Variants in DLG2 observed in about 807,000 individuals in gnomAD.
DLG2 encodes disks large homolog 2.
In DLG2, 45 loss-of-function variants were observed where a neutral mutation model predicts 132.5. The ratio of observed to expected loss-of-function variants is 0.34; its 90% confidence interval spans 0.27 to 0.44. The LOEUF (loss-of-function observed/expected upper bound fraction) is 0.44, where lower values mean the gene tolerates loss of function less well. Among genes scored for constraint, DLG2 ranks in the 20% least tolerant of loss-of-function variants. DLG2 has a pLI of 1.00. For missense variants in DLG2, 1,045 were observed against 1,196.9 expected (o/e 0.87, Z 1.87); for synonymous variants, 424 against 419.6 (o/e 1.01, Z -0.13).
intron 20 of DLG2, among the ~76,000 whole-genome samples, chr11:83,536,565 GT>G (rs71066048): frequency 0.41 from 57,788 of 142,150 alleles, 11,285 homozygotes; most frequent in East Asian, 0.47. Context: ...ATAACGTGGT[GT>G]TTTTTTTTTT....
intron 3 of DLG2, among the ~76,000 whole-genome samples, chr11:85,523,618 C>T (rs1352685195): frequency 6.6e-6 from 1 of 152,158 alleles, no homozygotes; most frequent in Non-Finnish European, 1.5e-5. Flanking sequence ...GGAACCATTA[C>T]ACACTGCCAG....
intron 6 of DLG2, among the ~76,000 whole-genome samples, chr11:84,959,700 A>C (rs112965550): frequency 2.6e-5 from 4 of 152,338 alleles, no homozygotes; most frequent in African/African-American, 9.6e-5. Context: ...GAAGATTATA[A>C]TATTAATCAC....
chr11:85,109,904 A>G (rs1228385388), intron 6 of DLG2, among the ~76,000 whole-genome samples: 1 of 152,130 alleles, frequency 6.6e-6, no homozygotes, highest in African/African-American at 2.4e-5. Context: ...AGGGTAAAAT[A>G]CCATTATTAA....
At chr11:84,549,956 A>G (rs893982091) in intron 6 of DLG2, among the ~76,000 whole-genome samples, 1 of 152,014 alleles carries the variant, frequency 6.6e-6, no homozygotes, top group Non-Finnish European at 1.5e-5. Context: ...GTGTTTCTCC[A>G]TGTAGGCCAG....
At chr11:84,444,801 CT>C (rs555951100) in intron 7 of DLG2, among the ~76,000 whole-genome samples, 25,677 of 139,472 alleles carry the variant, frequency 0.18, 3,919 homozygotes, top group African/African-American at 0.45. Context: ...TTATTGTATA[CT>C]TTTTTTTTTT....
intron 19 of DLG2, among the ~76,000 whole-genome samples, chr11:83,569,649 A>T (rs1219359497): frequency 6.6e-6 from 1 of 152,206 alleles, no homozygotes; most frequent in African/African-American, 2.4e-5. Flanking sequence ...GAGAGAGTCA[A>T]ACCCAGGGAT....
rs117233605 is a variant in DLG2, at chr11:84,495,054, A to T, written c.519+39516T>A. ...TACACACAAGCTCACCCACATACAC[A>T]CACCCATTTAAACATAAACCAGTTG... On this transcript the variant is annotated intron_variant, in intron 7 of 27. Transcript: ENST00000376104. Among the ~76,000 whole-genome samples the T allele has an allele frequency of 9.0e-3, 1,363 of 152,260 alleles. 9 individuals carry two copies. Among genetic ancestry groups the T allele is most frequent in the Non-Finnish European group, 0.015 (1,021 of 68,010 alleles).
chr11:83,917,939 G>C (rs900548597), intron 15 of DLG2, among the ~76,000 whole-genome samples: 1 of 152,108 alleles, frequency 6.6e-6, no homozygotes, highest in Non-Finnish European at 1.5e-5. Context: ...ATTCCCTTAG[G>C]CATTATGGGA....
intron 15 of DLG2, among the ~76,000 whole-genome samples, chr11:83,903,088 C>T (rs1024393680): frequency 5.9e-5 from 9 of 152,040 alleles, no homozygotes; most frequent in African/African-American, 2.2e-4. Flanking sequence ...ACCACAGCCT[C>T]TTTAATACAG....
At chr11:84,347,315 G>A (rs1217568962) in intron 7 of DLG2, among the ~76,000 whole-genome samples, 2 of 152,122 alleles carry the variant, frequency 1.3e-5, no homozygotes, top group Middle Eastern at 3.2e-3. Flanking sequence ...TTTCTATCAT[G>A]CCCACAACGT....
rs368468092 is a variant in DLG2, at chr11:83,847,043, A to G, written c.1566-13273T>C. On this transcript the variant is annotated intron_variant, in intron 16 of 27. Transcript: ENST00000376104. ...AGTTATATATACTATCCATAATAAC[A>G]ACAATTTGCTTTTGCTCCCTGTTGC... Among the ~76,000 whole-genome samples the G allele has an allele frequency of 4.6e-4, 70 of 152,130 alleles. No individual in the cohort carries two copies. The East Asian group carries it at 0.013, about 28-fold the overall frequency.
chr11:83,601,152 T>C (rs1485635117), intron 19 of DLG2, among the ~76,000 whole-genome samples: 1 of 152,224 alleles, frequency 6.6e-6, no homozygotes. Flanking sequence ...AAGAAATGAA[T>C]GCAAAGTCCT....
chr11:85,100,586 G>A (rs781036217), intron 6 of DLG2, among the ~76,000 whole-genome samples: 26 of 152,100 alleles, frequency 1.7e-4, no homozygotes, highest in Non-Finnish European at 3.7e-4. Context: ...AAAAGCCCAA[G>A]TAATGCTAGT....
At chr11:83,840,177 T>C (rs1653551971) in intron 16 of DLG2, among the ~76,000 whole-genome samples, 2 of 152,208 alleles carry the variant, frequency 1.3e-5, no homozygotes, top group African/African-American at 4.8e-5. Context: ...AACTTGTTCC[T>C]TGGGTCCACA....
At chr11:83,656,205 T>C (rs886446533) in intron 18 of DLG2, among the ~76,000 whole-genome samples, 3 of 152,224 alleles carry the variant, frequency 2.0e-5, no homozygotes, top group African/African-American at 7.2e-5. Context: ...TGAATCTATT[T>C]CCAACAAAAT....
Position 85,492,545 on chromosome 11 carries a change from T to C in DLG2, c.40+106112A>G, listed in dbSNP as rs576726771. 4.9e-4 allele frequency among the ~76,000 whole-genome samples: 74 copies of C among 152,334 alleles called. 2 individuals are homozygous for C. Among genetic ancestry groups the C allele is most frequent in the African/African-American group, 1.6e-3 (68 of 41,598 alleles). Reference sequence around the variant, plus strand: ...TCTTTTAACATTAATATTCCATTTATATTTAACATTTTTGTTTTGCTTTTT... The same window carrying C: ...TCTTTTAACATTAATATTCCATTTACATTTAACATTTTTGTTTTGCTTTTT... On this transcript the variant is annotated intron_variant, in intron 3 of 27. Transcript: ENST00000376104.
At chr11:83,935,938 T>C (rs1363722195) in intron 14 of DLG2, among the ~76,000 whole-genome samples, 1 of 152,184 alleles carries the variant, frequency 6.6e-6, no homozygotes, top group Admixed American at 6.5e-5. Flanking sequence ...TAAAGATGAT[T>C]GTGAGAAATA....
intron 8 of DLG2, among the ~76,000 whole-genome samples, chr11:84,241,365 G>A (rs1190643824): frequency 2.0e-5 from 3 of 152,146 alleles, no homozygotes; most frequent in East Asian, 3.9e-4. Flanking sequence ...ACCTTGATAG[G>A]AAGAAGAGCC....
intron 7 of DLG2, among the ~76,000 whole-genome samples, chr11:84,414,534 G>T (rs576632765): frequency 6.6e-6 from 1 of 152,186 alleles, no homozygotes; most frequent in South Asian, 2.1e-4. Flanking sequence ...TTTGAAATGG[G>T]TATTATATTC....
Sources: allele counts gnomAD v4.1 joint callset (sites outside exome capture counted in the v4.1 genomes callset), GRCh38; gene constraint gnomAD v4.1.1; transcripts MANE v1.5; gene names NCBI Gene and HGNC (gene_info 2026-07-23, HGNC 2026-07-21).